Variants in PTPRG observed in about 807,000 individuals in gnomAD.
PTPRG encodes the protein receptor-type tyrosine-protein phosphatase gamma.
PTPRG carries 102 observed loss-of-function variants against 165.3 expected under a neutral mutation model. That is an observed-to-expected ratio of 0.62 (90% CI 0.53 to 0.73). The LOEUF (loss-of-function observed/expected upper bound fraction) is 0.73. PTPRG is among the 30% of genes least tolerant of loss of function. PTPRG has a pLI of 0.00. For synonymous variants in PTPRG, 675 were observed against 669.5 expected, an observed-to-expected ratio of 1.01 and a Z score of -0.13; for missense variants, 1,866 against 1,861.4, an observed-to-expected ratio of 1.00 and a Z score of -0.05.
At chr3:62,098,300 A>G (rs1702182426) in intron 5 of PTPRG, among the ~76,000 whole-genome samples, 1 of 152,244 alleles carries the variant, frequency 6.6e-6, no homozygotes, top group African/African-American at 2.4e-5. Flanking sequence ...TGAAAAAATA[A>G]TACCATGGTT....
chr3:61,893,449 G>A (rs1214921059), intron 2 of PTPRG, among the ~76,000 whole-genome samples: 2 of 152,198 alleles, frequency 1.3e-5, no homozygotes, highest in East Asian at 1.9e-4. Context: ...GATCCAGAGT[G>A]ATTACCCAGA....
chr3:61,590,395 G>A lies in PTPRG; in HGVS notation c.85+28023G>A, dbSNP rs142037701. 4.2e-4 allele frequency among the ~76,000 whole-genome samples: 64 copies of A among 152,144 alleles called. No homozygotes were observed. The East Asian group carries it at 5.6e-3, about 13-fold the overall frequency. On this transcript the variant is annotated intron_variant, in intron 1 of 29. Transcript: ENST00000474889. ...TAAAAATTAGCTGGCGTAGTGGCAC[G>A]CACCTGTAACCACAGCTACTTGGGA...
rs756094185 is a variant in PTPRG at position 62,168,179 on chromosome 3, G to A, written c.1033+16G>A. The A allele has an allele frequency of 2.3e-5, 37 of 1,594,198 alleles. No homozygotes were observed. The highest frequency in any genetic ancestry group is 3.5e-5 in the Admixed American group (2 of 57,090). ...GCCTCTAAAGGTATATTTGGCTTAA[G>A]TGCCTTGCCCAGAGGAAGATTCCTT... On this transcript the variant is annotated intron_variant, in intron 8 of 29. Transcript: ENST00000474889.
intron 5 of PTPRG, among the ~76,000 whole-genome samples, chr3:62,096,772 A>T (rs1294478256): frequency 6.6e-6 from 1 of 152,226 alleles, no homozygotes; most frequent in Non-Finnish European, 1.5e-5. Context: ...GAGTTTCAGG[A>T]CAGATTGATG....
chr3:62,112,171 G>T (rs1447932423), intron 5 of PTPRG, among the ~76,000 whole-genome samples: 1 of 151,950 alleles, frequency 6.6e-6, no homozygotes, highest in Non-Finnish European at 1.5e-5. Context: ...TGTGATCTTG[G>T]CTCACTGACT....
intron 4 of PTPRG, among the ~76,000 whole-genome samples, chr3:62,058,145 G>A (rs1248870861): frequency 1.3e-5 from 2 of 152,108 alleles, no homozygotes; most frequent in Non-Finnish European, 2.9e-5. Context: ...GCCTTATTGC[G>A]TTTCTCTGTA....
intron 1 of PTPRG, among the ~76,000 whole-genome samples, chr3:61,605,691 C>T (rs1700985334): frequency 6.6e-6 from 1 of 152,136 alleles, no homozygotes; most frequent in African/African-American, 2.4e-5. Flanking sequence ...ACCTCTGCCT[C>T]CCAAGTAGCT....
At chr3:61,910,183 G>C (rs1412992530) in intron 2 of PTPRG, among the ~76,000 whole-genome samples, 1 of 152,154 alleles carries the variant, frequency 6.6e-6, no homozygotes, top group Non-Finnish European at 1.5e-5. Flanking sequence ...TGAATGCTGT[G>C]TCCTATTTCG....
At chr3:62,004,884 C>T (rs1346949144) in intron 4 of PTPRG, among the ~76,000 whole-genome samples, 4 of 151,942 alleles carry the variant, frequency 2.6e-5, no homozygotes, top group Non-Finnish European at 5.9e-5. Flanking sequence ...ACCCCCTTCA[C>T]AAAGAAGACA....
chr3:61,867,121 A>G (rs1176255406), intron 2 of PTPRG, among the ~76,000 whole-genome samples: 1 of 152,162 alleles, frequency 6.6e-6, no homozygotes, highest in Non-Finnish European at 1.5e-5. Flanking sequence ...TTCCTTCTGG[A>G]GCAGAACAGA....
At chr3:61,743,031 G>A in intron 1 of PTPRG, 2 of 1,593,066 alleles carry the variant, frequency 1.3e-6, no homozygotes, top group South Asian at 1.1e-5. Flanking sequence ...CCAGGAACTT[G>A]CGGCGCTTGC....
chr3:62,096,583 A>G (rs1039454043), intron 5 of PTPRG, among the ~76,000 whole-genome samples: 2 of 152,190 alleles, frequency 1.3e-5, no homozygotes, highest in African/African-American at 4.8e-5. Flanking sequence ...TGCAAATACA[A>G]CTGGCTGCTT....
rs115292329 is a variant in PTPRG at position 61,907,272 on chromosome 3, G to C, written c.191-82353G>C. ...CTCGAGGGTGACTCTCAAATCTCAG[G>C]CTAATTCTAAAACCAACAATTGAGA... On this transcript the variant is annotated intron_variant, in intron 2 of 29. Transcript: ENST00000474889. Among the ~76,000 whole-genome samples the C allele has an allele frequency of 1.6e-3, 239 of 152,142 alleles. 2 individuals carry two copies. Among genetic ancestry groups the C allele is most frequent in the African/African-American group, 5.3e-3 (221 of 41,522 alleles).
chr3:62,279,767 T>C (rs1315436009), intron 26 of PTPRG, among the ~76,000 whole-genome samples: 1 of 152,112 alleles, frequency 6.6e-6, no homozygotes, highest in Non-Finnish European at 1.5e-5. Flanking sequence ...ATAAGTCTCA[T>C]TGGACGTTGG....
intron 2 of PTPRG, among the ~76,000 whole-genome samples, chr3:61,786,886 C>A (rs1414482684): frequency 6.6e-6 from 1 of 152,158 alleles, no homozygotes; most frequent in East Asian, 1.9e-4. Context: ...TGCTTAAAGA[C>A]AAAGAGAAAA....
intron 2 of PTPRG, among the ~76,000 whole-genome samples, chr3:61,782,303 G>A (rs1271782674): frequency 6.6e-6 from 1 of 152,198 alleles, no homozygotes; most frequent in African/African-American, 2.4e-5. Context: ...AATGTCAGAT[G>A]TTGTTTATTT....
At chr3:62,119,870 G>A (rs972076567) in intron 5 of PTPRG, among the ~76,000 whole-genome samples, 65 of 144,832 alleles carry the variant, frequency 4.5e-4, no homozygotes, top group Non-Finnish European at 1.6e-4. Flanking sequence ...TCCTGACCTC[G>A]TGATCTGCCC....
chr3:61,604,358 T>C (rs376639590), intron 1 of PTPRG, among the ~76,000 whole-genome samples: 2 of 152,016 alleles, frequency 1.3e-5, no homozygotes, highest in South Asian at 2.1e-4. Context: ...CTTTAACATA[T>C]CTTGTTCTTT....
At chr3:61,601,918 A>G (rs113882357) in intron 1 of PTPRG, among the ~76,000 whole-genome samples, 1 of 152,210 alleles carries the variant, frequency 6.6e-6, no homozygotes, top group Non-Finnish European at 1.5e-5. Context: ...GAGGGAACAT[A>G]CTACTCACTC....
Sources: gnomAD v4.1 joint callset for allele counts (sites outside exome capture counted in the v4.1 genomes callset) on GRCh38, gnomAD v4.1.1 for gene constraint, MANE v1.5 for transcripts, NCBI Gene and HGNC (gene_info 2026-07-23, HGNC 2026-07-21) for gene names.